Variants in RALGAPB observed in about 807,000 individuals in gnomAD.
RALGAPB encodes the protein Ral GTPase activating protein non-catalytic subunit beta.
RALGAPB carries 25 observed loss-of-function variants against 161.1 expected under a neutral mutation model. That is an observed-to-expected ratio of 0.16 (90% CI 0.11 to 0.22). The LOEUF is 0.22. Among genes scored for constraint, RALGAPB ranks in the 10% least tolerant of loss-of-function variants. RALGAPB has a pLI of 1.00. For missense variants in RALGAPB, 1,391 were observed against 1,815.2 expected, an observed-to-expected ratio of 0.77 and a Z score of 4.25; for synonymous variants, 629 against 626.1, an observed-to-expected ratio of 1.00 and a Z score of -0.07.
rs374734373 is a variant in RALGAPB, at chr20:38,546,262, G to A, written c.2734G>A (p.Ala912Thr). The stretch of plus-strand genomic sequence containing the variant: ...CCATAGCATTATGCAGTTGCTCGGC[G>A]CATTTCCTTCACCTAGTGGTCCTGC... ...TLTCIMQLLG[A>T]FPSPSGPASP... is the part of the protein sequence containing the mutation. Residue 912 changes from alanine (A) to threonine (T), a missense_variant, in exon 19 of 30, where the codon GCA (alanine) becomes ACA (threonine). Physicochemically the swap from Ala to Thr is moderately conservative, Grantham distance 58 (BLOSUM62 0). Coordinates refer to ENST00000262879, the MANE Select transcript of RALGAPB (RefSeq NM_020336.4). The A allele has an allele frequency of 3.5e-5, 57 of 1,613,904 alleles. No homozygotes were observed. Among genetic ancestry groups the A allele is most frequent in the African/African-American group, 1.1e-4 (8 of 74,902 alleles).
Position 38,524,845 on chromosome 20 carries a change from G to T in RALGAPB, c.1687G>T (p.Val563Phe). ...DYVCHPVLAS[V>F]ILNSPPLFCC... ...TGTGTGCCATCCTGTCTTGGCCAGC[G>T]TTATTCTAAACTCTCCTCCTTTGTT... The change falls in exon 11 of 30, where the codon GTT (valine) becomes TTT (phenylalanine). Residue 563 changes from valine (V) to phenylalanine (F), a missense_variant. Coordinates refer to ENST00000262879, the MANE Select transcript of RALGAPB (RefSeq NM_020336.4). The T allele has an allele frequency of 6.2e-7, 1 of 1,605,192 alleles. No homozygotes were observed. The highest frequency in any genetic ancestry group is 8.5e-7 in the Non-Finnish European group (1 of 1,171,868).
intron 19 of RALGAPB, 183 bp downstream of exon 19, chr20:38,546,613 A>G: frequency 1.4e-6 from 1 of 703,948 alleles, no homozygotes. Context: ...CATATTACAT[A>G]GAGTCTTTTA....
At chr20:38,535,916 C>T (rs533930244) in intron 16 of RALGAPB, among the ~76,000 whole-genome samples, 51 of 152,224 alleles carry the variant, frequency 3.4e-4, no homozygotes, top group African/African-American at 1.1e-3. Flanking sequence ...CTTTCCCAGC[C>T]GTTACTTCAG....
chr20:38,480,106 C>T (rs528198532), intron 1 of RALGAPB, among the ~76,000 whole-genome samples: 4 of 151,480 alleles, frequency 2.6e-5, no homozygotes, highest in Admixed American at 6.6e-5. Flanking sequence ...CTCAGGTTCC[C>T]GAATAGCTGG....
chr20:38,522,664 G>A (rs767845956), intron 10 of RALGAPB, among the ~76,000 whole-genome samples: 150 of 152,296 alleles, frequency 9.8e-4, no homozygotes, highest in Admixed American at 5.2e-4. Context: ...GACCCTATCA[G>A]AGGGAACCAA....
At chr20:38,490,881 A>C (rs976014382) in intron 2 of RALGAPB, among the ~76,000 whole-genome samples, 25 of 151,630 alleles carry the variant, frequency 1.6e-4, no homozygotes, top group African/African-American at 5.6e-4. Flanking sequence ...CTGATCTCAG[A>C]TGATCCACAG....
chr20:38,495,061 T>C (rs967675763), intron 3 of RALGAPB, among the ~76,000 whole-genome samples: 2 of 152,252 alleles, frequency 1.3e-5, no homozygotes, highest in African/African-American at 2.4e-5. Flanking sequence ...GGCTAATGTT[T>C]TAGGAAAATT....
intron 20 of RALGAPB, among the ~76,000 whole-genome samples, chr20:38,549,587 C>T (rs200082865): frequency 3.1e-4 from 9 of 28,666 alleles, no homozygotes; most frequent in Non-Finnish European, 2.0e-3. Context: ...CATACATATA[C>T]ACACACACAC....
At position 38,548,887 on chromosome 20, in the gene RALGAPB, T is replaced by A. The variant is rs929115887; in HGVS notation, c.3009+92T>A. 4.5e-6 allele frequency: 5 copies of A among 1,105,626 alleles called. No individual in the cohort carries two copies. The Admixed American group carries it at 9.4e-5, about 21-fold the overall frequency. 68.5% of individuals were successfully genotyped at this position (1,105,626 alleles called of 1,614,324 possible). A position where few individuals can be genotyped will look rare whatever the true frequency, so the allele number is the denominator to read the frequency against. On this transcript the variant is annotated intron_variant, in intron 20 of 29. Transcript: ENST00000262879. Reference sequence around the variant, plus strand: ...ACAGAAGACACAGATCAAATAAATATTTTTGATCCCTAGCCAGATTCTCAG... The same window carrying A: ...ACAGAAGACACAGATCAAATAAATAATTTTGATCCCTAGCCAGATTCTCAG...
intron 13 of RALGAPB, among the ~76,000 whole-genome samples, chr20:38,527,921 G>A (rs1361153164): frequency 1.3e-5 from 2 of 152,062 alleles, no homozygotes; most frequent in Admixed American, 6.5e-5. Flanking sequence ...CCTCCCACGG[G>A]GATGAGAAGC....
intron 5 of RALGAPB, among the ~76,000 whole-genome samples, chr20:38,507,135 C>G (rs2085785888): frequency 6.6e-6 from 1 of 152,104 alleles, no homozygotes; most frequent in Non-Finnish European, 1.5e-5. Context: ...TCAGAGCCAA[C>G]CCATGTTAAC....
chr20:38,518,828 C>T (rs1042589015), intron 9 of RALGAPB, among the ~76,000 whole-genome samples: 2 of 152,078 alleles, frequency 1.3e-5, no homozygotes, highest in African/African-American at 4.8e-5. Flanking sequence ...CACTCTTCTA[C>T]TGGGGTTGGA....
At chr20:38,507,033 T>C (rs2085783142) in intron 5 of RALGAPB, among the ~76,000 whole-genome samples, 1 of 152,124 alleles carries the variant, frequency 6.6e-6, no homozygotes, top group Non-Finnish European at 1.5e-5. Flanking sequence ...AAATTATGAA[T>C]CTGTTTTTAA....
Position 38,574,956 on chromosome 20 carries a change from T to C in RALGAPB, c.4474T>C (p.Cys1492Arg), listed in dbSNP as rs755848555. ...SLFQEVGLKN[C>R]SS The stretch of plus-strand genomic sequence containing the variant: ...TTTCCAGGAGGTTGGACTCAAGAAC[T>C]GCAGTTCTTAGACCACTGAATTTCT... Residue 1492 changes from cysteine to arginine, a missense_variant, in exon 30 of 30, where the codon TGC becomes CGC. This residue lies in a region of RALGAPB where 436 missense variants were observed against 527.0 expected (regional missense o/e 0.83). Coordinates refer to ENST00000262879, the MANE Select transcript of RALGAPB (RefSeq NM_020336.4). The C allele has an allele frequency of 3.7e-6, 6 of 1,611,038 alleles. No individual in the cohort carries two copies. In the East Asian group the frequency reaches 1.3e-4, roughly 36 times the overall value.
chr20:38,519,726 C>A (rs2086234172), intron 9 of RALGAPB, among the ~76,000 whole-genome samples: 1 of 152,030 alleles, frequency 6.6e-6, no homozygotes, highest in African/African-American at 2.4e-5. Context: ...TATGAGGTGT[C>A]CAAATAGTTA....
Position 38,525,434 on chromosome 20 carries a change from T to C in RALGAPB, c.1818T>C (p.Asn606=). Reference sequence around the variant, plus strand: ...TCTCAAAATTCAAAAGCTATGTAAATCCAACAGAATTGCGAAGATCCTCCA... The same window carrying C: ...TCTCAAAATTCAAAAGCTATGTAAACCCAACAGAATTGCGAAGATCCTCCA... ...RELSKFKSYV[N]PTELRRSSIN... The change falls in exon 12 of 30, where the codon AAT becomes AAC. Residue 606 remains asparagine (N), a synonymous_variant. Coordinates refer to ENST00000262879, the MANE Select transcript of RALGAPB (RefSeq NM_020336.4). 6.3e-7 allele frequency: 1 copy of C among 1,598,430 alleles called. No homozygotes were observed. The highest frequency in any genetic ancestry group is 8.5e-7 in the Non-Finnish European group (1 of 1,175,700).
chr20:38,495,139 GT>G (rs1361423623), intron 3 of RALGAPB, among the ~76,000 whole-genome samples: 2 of 152,104 alleles, frequency 1.3e-5, no homozygotes, highest in Non-Finnish European at 2.9e-5. Flanking sequence ...AGTTTTAGTT[GT>G]TTATTTGATT....
chr20:38,520,567 A>G (rs1458523319), intron 9 of RALGAPB, among the ~76,000 whole-genome samples: 1 of 41,016 alleles, frequency 2.4e-5, no homozygotes, highest in African/African-American at 1.2e-4. Flanking sequence ...GCTTATTTTT[A>G]TACAGATTTA....
chr20:38,531,198 A>C lies in RALGAPB; in HGVS notation c.2082A>C (p.Ala694=). ...GAMLNIVQDS[A]LLEAIGCQME... The stretch of plus-strand genomic sequence containing the variant: ...TGTTAAATATTGTTCAAGATTCAGC[A>C]CTTTTGGAAGCCATTGGTTGCCAGA... The change falls in exon 14 of 30, where the codon GCA becomes GCC. Residue 694 remains alanine, a synonymous_variant. Coordinates refer to ENST00000262879, the MANE Select transcript of RALGAPB (RefSeq NM_020336.4). 3 of 1,611,132 alleles carry C rather than the reference A, an allele frequency of 1.9e-6. No individual in the cohort carries two copies. Among genetic ancestry groups the C allele is most frequent in the Non-Finnish European group, 2.5e-6 (3 of 1,177,512 alleles).
Sources: allele counts gnomAD v4.1 joint callset (sites outside exome capture counted in the v4.1 genomes callset), GRCh38; gene constraint gnomAD v4.1.1; regional missense constraint gnomAD v4.1.1; transcripts MANE v1.5; gene names NCBI Gene and HGNC (gene_info 2026-07-23, HGNC 2026-07-21).